The following CNOT1 variants were observed in gnomAD, a reference collection of about 807,000 sequenced individuals.
CNOT1 encodes the protein CCR4-associated factor 1.
CNOT1 carries 15 observed loss-of-function variants against 273.8 expected under a neutral mutation model. That is an observed-to-expected ratio of 0.05 (90% CI 0.04 to 0.08). CNOT1 has a LOEUF of 0.08. CNOT1 is among the 10% of genes least tolerant of loss of function. CNOT1 has a pLI of 1.00. For missense variants in CNOT1, 1,644 were observed against 2,912.2 expected, an observed-to-expected ratio of 0.56 and a Z score of 10.02; for synonymous variants, 1,022 against 1,005.5, an observed-to-expected ratio of 1.02 and a Z score of -0.31.
At position 58,538,756 on chromosome 16, in the gene CNOT1, G is replaced by A. The variant is rs770819686; in HGVS notation, c.5135+16C>T. On this transcript the variant is annotated intron_variant, in intron 36 of 48. Transcript: ENST00000317147. ...CGCAGTCCAATACTCACTACTTTTC[G>A]AAGATGGCTACTGACCTTGTGATCT... 2.4e-5 allele frequency: 38 copies of A among 1,610,624 alleles called. No individual in the cohort carries two copies. The highest frequency in any genetic ancestry group is 1.5e-4 in the Admixed American group (9 of 59,940).
At chr16:58,625,694 A>G (rs1442652013) in intron 1 of CNOT1, among the ~76,000 whole-genome samples, 1 of 151,618 alleles carries the variant, frequency 6.6e-6, no homozygotes, top group Non-Finnish European at 1.5e-5. Context: ...CAAAAAAAAA[A>G]GAAAAAAAAC....
chr16:58,613,966 C>G (rs1205007381), intron 1 of CNOT1, among the ~76,000 whole-genome samples: 1 of 119,174 alleles, frequency 8.4e-6, no homozygotes, highest in Non-Finnish European at 2.0e-5. Flanking sequence ...GTGGCGGGCA[C>G]CTGTAGTCCC....
At chr16:58,540,984 C>T (rs1191491381) in intron 34 of CNOT1, among the ~76,000 whole-genome samples, 1 of 152,138 alleles carries the variant, frequency 6.6e-6, no homozygotes, top group Non-Finnish European at 1.5e-5. Context: ...GGTAGGCGAT[C>T]ACTTGAGGTC....
At chr16:58,522,556 G>C (rs1447803346) in intron 47 of CNOT1, among the ~76,000 whole-genome samples, 1 of 90,012 alleles carries the variant, frequency 1.1e-5, no homozygotes, top group African/African-American at 5.6e-5. Flanking sequence ...AATTTTTAAA[G>C]TGTGTGTGTG....
In CNOT1 at chr16:58,533,720, G is replaced by C. The variant is rs1020016276; in HGVS notation, c.5895+427C>G. The stretch of plus-strand genomic sequence containing the variant: ...AGTGCCTGTAGTCCCAGCTACTCAC[G>C]AGGCTGAGGTAGGAGAACGGTGTGA... On this transcript the variant is annotated intron_variant, in intron 40 of 48. Transcript: ENST00000317147. 2.6e-5 allele frequency among the ~76,000 whole-genome samples: 4 copies of C among 152,346 alleles called. No homozygotes were observed. In the East Asian group the frequency reaches 7.7e-4, roughly 29 times the overall value.
intron 29 of CNOT1, 122 bp from the exon 30 acceptor site, chr16:58,545,613 AGGATGT>A: frequency 3.0e-5 from 44 of 1,465,994 alleles, no homozygotes; most frequent in Non-Finnish European, 3.5e-5. Flanking sequence ...AGAGGAGGGA[AGGATGT>A]AGCAGGTCCT....
intron 16 of CNOT1, among the ~76,000 whole-genome samples, chr16:58,564,506 A>G (rs529368587): frequency 1.3e-5 from 2 of 152,330 alleles, no homozygotes; most frequent in East Asian, 3.9e-4. Context: ...CAAAAAAAGT[A>G]ATTCCACCAA....
chr16:58,538,873 A>G lies in CNOT1; in HGVS notation c.5034T>C (p.Ala1678=). The change falls in exon 36 of 49, where the codon GCT becomes GCC. Residue 1678 remains alanine, a synonymous_variant. Coordinates refer to ENST00000317147, the MANE Select transcript of CNOT1 (RefSeq NM_016284.5). ...GLLDATSGAD[A]DLLLRYRECH... ...ATTCCCTGTAGCGCAGCAGAAGGTCAGCATCAGCACCACTTGTGGCATCTA... is the reference window on the plus strand; with the variant it reads ...ATTCCCTGTAGCGCAGCAGAAGGTCGGCATCAGCACCACTTGTGGCATCTA... The G allele has an allele frequency of 6.2e-7, 1 of 1,610,412 alleles. No individual in the cohort carries two copies.
chr16:58,547,173 A>G lies in CNOT1; in HGVS notation c.3750+13T>C. ...AGAAATTAGTCATAAATAAAATATTAAAATCTACTCACCACACTACGAATG... is the reference window on the plus strand; with the variant it reads ...AGAAATTAGTCATAAATAAAATATTGAAATCTACTCACCACACTACGAATG... On this transcript the variant is annotated intron_variant, in intron 27 of 48. Transcript: ENST00000317147. This position sits in a 1 kb window ranked among gnomAD's most constrained non-coding sequence, Gnocchi z 4.0. 6.2e-7 allele frequency: 1 copy of G among 1,601,734 alleles called. No individual in the cohort carries two copies. Among genetic ancestry groups the G allele is most frequent in the Non-Finnish European group, 8.5e-7 (1 of 1,175,334 alleles).
At chr16:58,566,820 G>A (rs956997958) in intron 16 of CNOT1, among the ~76,000 whole-genome samples, 11 of 152,042 alleles carry the variant, frequency 7.2e-5, no homozygotes, top group Admixed American at 1.3e-4. Context: ...TTTTAGTAGC[G>A]ATGGGATTTC....
chr16:58,538,837 C>G lies in CNOT1; in HGVS notation c.5070G>C (p.Leu1690Phe). ...LLLRYRECHL[L>F]VLKALQDGRA... ...GGCCATCCTGCAGAGCTTTTAGGACCAAGAGGTGGCATTCCCTGTAGCGCA... is the reference window on the plus strand; with the variant it reads ...GGCCATCCTGCAGAGCTTTTAGGACGAAGAGGTGGCATTCCCTGTAGCGCA... Residue 1690 changes from leucine (L) to phenylalanine (F), a missense_variant, in exon 36 of 49, where the codon TTG (leucine) becomes TTC (phenylalanine). Leu to Phe is a conservative substitution (Grantham distance 22). Around this residue, in one of 13 missense-constraint regions of CNOT1, gnomAD observed 170 missense variants for 273.1 expected, o/e 0.62. Coordinates refer to ENST00000317147, the MANE Select transcript of CNOT1 (RefSeq NM_016284.5). 6.2e-7 allele frequency: 1 copy of G among 1,611,920 alleles called. No homozygotes were observed. The highest frequency in any genetic ancestry group is 1.6e-4 in the Middle Eastern group (1 of 6,062).
At chr16:58,595,749 G>A (rs1377531114) in intron 2 of CNOT1, among the ~76,000 whole-genome samples, 1 of 152,154 alleles carries the variant, frequency 6.6e-6, no homozygotes, top group Non-Finnish European at 1.5e-5. Context: ...AGGGGTGACA[G>A]AGTCAGTGAT....
intron 35 of CNOT1, 68 bp downstream of exon 35, chr16:58,539,696 GTAGA>G: frequency 7.2e-7 from 1 of 1,383,346 alleles, no homozygotes; most frequent in Non-Finnish European, 9.8e-7. Flanking sequence ...GCATAAATAT[GTAGA>G]TGGTGGTGCA....
chr16:58,560,490 T>G (rs995435837), intron 16 of CNOT1, 128 bp from the exon 17 acceptor site: 2 of 1,426,372 alleles, frequency 1.4e-6, no homozygotes, highest in African/African-American at 2.9e-5. Flanking sequence ...TGGAGTGCAG[T>G]AGCACGATAT....
intron 12 of CNOT1, 114 bp from the exon 13 acceptor site, chr16:58,579,053 AATATT>A: frequency 6.8e-7 from 1 of 1,472,902 alleles, no homozygotes; most frequent in Non-Finnish European, 9.0e-7. Context: ...GTCATGTTTT[AATATT>A]AGAAGTTTGA....
intron 1 of CNOT1, among the ~76,000 whole-genome samples, chr16:58,601,254 A>G (rs770250967): frequency 1.3e-5 from 2 of 152,086 alleles, no homozygotes; most frequent in Non-Finnish European, 2.9e-5. Context: ...TGGAGCCCAC[A>G]TCCTGGCTAG....
At chr16:58,604,654 G>A (rs1235626618) in intron 1 of CNOT1, among the ~76,000 whole-genome samples, 8 of 150,240 alleles carry the variant, frequency 5.3e-5, no homozygotes, top group African/African-American at 1.2e-4. Flanking sequence ...AAAATTAGCC[G>A]GGCGTGGTGG....
chr16:58,561,537 A>G (rs2040840290), intron 16 of CNOT1, among the ~76,000 whole-genome samples: 1 of 152,222 alleles, frequency 6.6e-6, no homozygotes, highest in South Asian at 2.1e-4. Flanking sequence ...ACTGACCTCT[A>G]AAACAAATGT....
chr16:58,557,877 C>A (rs2040687149), intron 18 of CNOT1, among the ~76,000 whole-genome samples: 1 of 152,126 alleles, frequency 6.6e-6, no homozygotes, highest in African/African-American at 2.4e-5. Context: ...GTAATCCCAG[C>A]TACTCGGGAG....
Sources: gnomAD v4.1 joint callset for allele counts (sites outside exome capture counted in the v4.1 genomes callset) on GRCh38, gnomAD v4.1.1 for gene constraint, gnomAD v4.1.1 regional missense constraint, Gnocchi (gnomAD v3.1) non-coding constraint, MANE v1.5 for transcripts, NCBI Gene and HGNC (gene_info 2026-07-23, HGNC 2026-07-21) for gene names.